The following MAF variants were observed in gnomAD, a reference collection of about 807,000 sequenced individuals.
MAF encodes the protein transcription factor Maf.
A neutral mutation model predicts 22.0 loss-of-function variants in MAF; 10 were observed. The observed-to-expected ratio is 0.45, with a 90% CI of 0.28 to 0.77. MAF has a LOEUF of 0.77. Ranked by LOEUF, MAF falls within the 30% of genes least tolerant of loss-of-function variation. MAF has a pLI of 0.12. For missense variants in MAF, 544 were observed against 548.4 expected, an observed-to-expected ratio of 0.99 and a Z score of 0.08; for synonymous variants, 337 against 255.8, an observed-to-expected ratio of 1.32 and a Z score of -3.03.
the MAF span, among the ~76,000 whole-genome samples, chr16:79,295,585 G>A: frequency 6.6e-6 from 1 of 152,230 alleles, no homozygotes; most frequent in African/African-American, 2.4e-5. Context: ...AAAGCCTTTA[G>A]GCTGAACTTA....
the MAF span, among the ~76,000 whole-genome samples, chr16:79,539,207 T>G: frequency 6.6e-6 from 1 of 152,200 alleles, no homozygotes; most frequent in East Asian, 1.9e-4. Context: ...TTATATGCAT[T>G]AAGTTTTAAA....
the MAF span, among the ~76,000 whole-genome samples, chr16:79,275,513 G>C: frequency 1.3e-5 from 2 of 152,196 alleles, no homozygotes; most frequent in African/African-American, 4.8e-5. Context: ...AGCAAGGAAA[G>C]TCACTTGCTC....
the MAF span, chr16:79,203,339 A>G: frequency 6.6e-6 from 1 of 152,204 alleles, no homozygotes; most frequent in East Asian, 1.9e-4. Flanking sequence ...CCACACACCT[A>G]ACTCAGACAT....
At chr16:79,231,654 G>A in the MAF span, among the ~76,000 whole-genome samples, 3 of 152,048 alleles carry the variant, frequency 2.0e-5, no homozygotes, top group Non-Finnish European at 4.4e-5. Context: ...AATTACAAAG[G>A]TGTTAAGATA....
chr16:79,273,578 T>C, the MAF span, among the ~76,000 whole-genome samples: 19 of 152,336 alleles, frequency 1.2e-4, no homozygotes, highest in African/African-American at 4.6e-4. Flanking sequence ...TCTTGCCTTT[T>C]CCAGCTTCTA....
the MAF span, among the ~76,000 whole-genome samples, chr16:79,558,398 T>A: frequency 1.3e-5 from 2 of 152,208 alleles, no homozygotes; most frequent in South Asian, 2.1e-4. Context: ...AAGTCGCATA[T>A]CCTTTGCTTT....
chr16:79,587,492 C>T (rs1339235808), intron 1 of MAF, among the ~76,000 whole-genome samples: 2 of 151,904 alleles, frequency 1.3e-5, no homozygotes, highest in Non-Finnish European at 2.9e-5. Context: ...AGTTTAAAAG[C>T]TTAAGAGATT....
chr16:79,585,705 T>C, downstream of MAF: 1 of 551,896 alleles, frequency 1.8e-6, no homozygotes, highest in South Asian at 2.5e-5. Flanking sequence ...AGTGTCACCA[T>C]TTACATGACA....
At chr16:79,491,091 G>T in the MAF span, among the ~76,000 whole-genome samples, 20 of 152,300 alleles carry the variant, frequency 1.3e-4, no homozygotes, top group Admixed American at 1.2e-3. Context: ...GAAAGGGAAG[G>T]TGAGAAGGGG....
At chr16:79,408,131 G>A in the MAF span, among the ~76,000 whole-genome samples, 3 of 136,696 alleles carry the variant, frequency 2.2e-5, no homozygotes, top group Admixed American at 2.3e-4. Context: ...ATGGTTAAAA[G>A]CATGTGCTTT....
the MAF span, among the ~76,000 whole-genome samples, chr16:79,453,626 T>A: frequency 1.3e-5 from 2 of 152,312 alleles, no homozygotes; most frequent in South Asian, 2.1e-4. Context: ...AGGAAAATAA[T>A]CAATTTGCTA....
At chr16:79,557,801 T>A in the MAF span, among the ~76,000 whole-genome samples, 1 of 151,954 alleles carries the variant, frequency 6.6e-6, no homozygotes, top group African/African-American at 2.4e-5. Flanking sequence ...GGCAAAGATA[T>A]AAGATGAGAA....
the MAF span, among the ~76,000 whole-genome samples, chr16:79,537,972 A>G: frequency 6.6e-6 from 1 of 152,198 alleles, no homozygotes. Flanking sequence ...TGGATAAAAT[A>G]ACTTTGTTCT....
At chr16:79,333,855 C>T in the MAF span, among the ~76,000 whole-genome samples, 2 of 152,104 alleles carry the variant, frequency 1.3e-5, no homozygotes, top group African/African-American at 4.8e-5. Context: ...CTATCTGATG[C>T]CGGATCCCAA....
the MAF span, among the ~76,000 whole-genome samples, chr16:79,216,497 C>A: frequency 6.6e-6 from 1 of 152,090 alleles, no homozygotes; most frequent in Non-Finnish European, 1.5e-5. Flanking sequence ...TTGTTTCTTC[C>A]TTTCAGTATA....
chr16:79,330,461 G>A, the MAF span, among the ~76,000 whole-genome samples: 1 of 152,202 alleles, frequency 6.6e-6, no homozygotes, highest in Admixed American at 6.5e-5. Context: ...TTGGAGGAAT[G>A]GTGAGAGCCG....
At chr16:79,375,184 T>C in the MAF span, among the ~76,000 whole-genome samples, 3 of 152,188 alleles carry the variant, frequency 2.0e-5, no homozygotes, top group Non-Finnish European at 4.4e-5. Context: ...GAAGAAGCAA[T>C]CTCTTTCAGC....
chr16:79,239,672 T>C, the MAF span, among the ~76,000 whole-genome samples: 7 of 152,118 alleles, frequency 4.6e-5, no homozygotes, highest in African/African-American at 1.7e-4. Flanking sequence ...CACAGATTTA[T>C]TCTTTGTCCC....
chr16:79,560,848 C>T, the MAF span, among the ~76,000 whole-genome samples: 1 of 152,166 alleles, frequency 6.6e-6, no homozygotes, highest in Non-Finnish European at 1.5e-5. Flanking sequence ...CCTTCAGTGA[C>T]GAGGTGTGGC....
Sources: allele counts gnomAD v4.1 joint callset (sites outside exome capture counted in the v4.1 genomes callset), GRCh38; gene constraint gnomAD v4.1.1; transcripts MANE v1.5; gene names NCBI Gene and HGNC (gene_info 2026-07-23, HGNC 2026-07-21).